ANKRD62: variants seen among roughly 807,000 people sequenced by gnomAD.
ANKRD62 encodes the protein ankyrin repeat domain 62.
Under a neutral mutation model 98.8 loss-of-function variants are expected in ANKRD62, and 61 were observed. The observed-to-expected ratio is 0.62, with a 90% CI of 0.50 to 0.76. ANKRD62 has a LOEUF of 0.76. ANKRD62 is among the 30% of genes least tolerant of loss of function. The probability of loss-of-function intolerance (pLI) is 0.00; values close to 1 mark genes in which losing one functional copy is unlikely to be tolerated. For missense variants in ANKRD62, 933 were observed against 1,082.9 expected (o/e 0.86, Z 1.94); for synonymous variants, 341 against 367.9 (o/e 0.93, Z 0.84).
At chr18:12,096,346 T>G in intron 4 of ANKRD62, 44 bp downstream of exon 4, 1 of 1,140,156 alleles carries the variant, frequency 8.8e-7, no homozygotes, top group Non-Finnish European at 1.2e-6. Flanking sequence ...CTGAGTGGTG[T>G]TCTAGAGTGG....
downstream of ANKRD62, among the ~76,000 whole-genome samples, chr18:12,131,125 A>G (rs569929282): frequency 3.3e-5 from 5 of 152,316 alleles, no homozygotes; most frequent in Middle Eastern, 3.4e-3. Context: ...TTCAAATTGT[A>G]CAGCATTTTG....
chr18:12,166,130 A>G, the ANKRD62 span, among the ~76,000 whole-genome samples: 7 of 152,070 alleles, frequency 4.6e-5, no homozygotes, highest in Admixed American at 2.6e-4. Flanking sequence ...TTTGGATTAA[A>G]TCTGCTTGGT....
At position 12,102,156 on chromosome 18, in the gene ANKRD62, C is replaced by T. The variant is rs139573795; in HGVS notation, c.821-1002C>T. On this transcript the variant is annotated intron_variant, in intron 6 of 13. Coordinates refer to ENST00000587848, the MANE Select transcript of ANKRD62 (RefSeq NM_001277333.2). ...AGTCAGTAACAACTTGTCCAAGGCC[C>T]GAGTAACTATGAAGAGTGAGGGTTG... The T allele has an allele frequency of 2.9e-4, 334 of 1,156,156 alleles. 1 individual carries two copies. In the East Asian group the frequency reaches 7.6e-3, roughly 26 times the overall value. The allele number at this position is 1,156,156 out of a possible 1,614,324, so 71.6% of individuals were successfully genotyped here. A position where few individuals can be genotyped will look rare whatever the true frequency, so the allele number is the denominator to read the frequency against.
the ANKRD62 span, among the ~76,000 whole-genome samples, chr18:12,171,814 A>G: frequency 4.6e-5 from 7 of 152,080 alleles, no homozygotes; most frequent in African/African-American, 1.7e-4. Flanking sequence ...ATAGTCCCTT[A>G]TTTCTTGGAG....
the ANKRD62 span, among the ~76,000 whole-genome samples, chr18:12,154,102 A>G: frequency 6.6e-6 from 1 of 152,262 alleles, no homozygotes; most frequent in African/African-American, 2.4e-5. Context: ...ACATTGACAA[A>G]TGGGGTCTAA....
chr18:12,154,642 C>T, the ANKRD62 span, among the ~76,000 whole-genome samples: 1 of 152,174 alleles, frequency 6.6e-6, no homozygotes, highest in Non-Finnish European at 1.5e-5. Flanking sequence ...AAATATAAAG[C>T]ATTCTACCAT....
rs950060208 is a variant in ANKRD62 at position 12,128,065 on chromosome 18, G to C, written c.*126G>C. 40 of 511,096 alleles carry C rather than the reference G, an allele frequency of 7.8e-5. No homozygotes were observed. The highest frequency in any genetic ancestry group is 1.1e-4 in the Non-Finnish European group (36 of 337,150). 31.7% of individuals were successfully genotyped at this position (511,096 alleles called of 1,614,324 possible). A position where few individuals can be genotyped will look rare whatever the true frequency, so the allele number is the denominator to read the frequency against. ...ATAATACATCCATTTCTCAATCTCT[G>C]CCATGTTTTATAATTATAAATATTT... On this transcript the variant is annotated 3_prime_UTR_variant, in exon 14 of 14. Transcript: ENST00000587848.
the ANKRD62 span, among the ~76,000 whole-genome samples, chr18:12,134,836 C>T: frequency 3.9e-5 from 6 of 152,064 alleles, no homozygotes; most frequent in African/African-American, 7.3e-5. Flanking sequence ...AATAAACATA[C>T]GTGTGCATGT....
At chr18:12,140,163 T>C in the ANKRD62 span, among the ~76,000 whole-genome samples, 1 of 152,270 alleles carries the variant, frequency 6.6e-6, no homozygotes, top group East Asian at 1.9e-4. Flanking sequence ...TGTGCATTCA[T>C]CACGTAGTTC....
the ANKRD62 span, among the ~76,000 whole-genome samples, chr18:12,145,008 T>C: frequency 1.3e-5 from 2 of 151,360 alleles, no homozygotes; most frequent in Non-Finnish European, 2.9e-5. Flanking sequence ...CTGGGCATGC[T>C]GGCCTATGCC....
chr18:12,170,399 T>C, the ANKRD62 span, among the ~76,000 whole-genome samples: 1 of 152,346 alleles, frequency 6.6e-6, no homozygotes, highest in South Asian at 2.1e-4. Flanking sequence ...CCAGTAGTCA[T>C]TCAGAAGCAG....
At chr18:12,120,811 T>G (rs1909767751) in intron 10 of ANKRD62, among the ~76,000 whole-genome samples, 1 of 152,188 alleles carries the variant, frequency 6.6e-6, no homozygotes, top group Admixed American at 6.5e-5. Context: ...AATGGTTTAT[T>G]TAGGATTTAT....
the ANKRD62 span, among the ~76,000 whole-genome samples, chr18:12,181,149 G>A: frequency 1.3e-5 from 2 of 151,244 alleles, no homozygotes; most frequent in Non-Finnish European, 1.5e-5. Context: ...ATTCTATACT[G>A]TGCAATTAAA....
At chr18:12,150,473 G>A in the ANKRD62 span, among the ~76,000 whole-genome samples, 7 of 152,150 alleles carry the variant, frequency 4.6e-5, no homozygotes, top group South Asian at 4.2e-4. Flanking sequence ...TTTTACACAC[G>A]AATACCATCC....
intron 8 of ANKRD62, among the ~76,000 whole-genome samples, chr18:12,109,944 T>C (rs1241424281): frequency 9.1e-6 from 1 of 110,428 alleles, no homozygotes; most frequent in Non-Finnish European, 1.9e-5. Context: ...TAGGTTTCAC[T>C]GTTACCAAAA....
the ANKRD62 span, among the ~76,000 whole-genome samples, chr18:12,155,893 TG>T: frequency 1.3e-5 from 2 of 152,134 alleles, no homozygotes; most frequent in Admixed American, 6.5e-5. Flanking sequence ...AAAAGTCAGT[TG>T]GTGATATGGC....
In ANKRD62 at chr18:12,129,734, C is replaced by A. The variant is rs1344021592; in HGVS notation, c.*1795C>A. ...CCGCACTCCAGCCTGGGCGACAGAG[C>A]AAGACTCTGTCTCAAAAAAAAAAAA... On this transcript the variant is annotated 3_prime_UTR_variant, in exon 14 of 14. Coordinates refer to ENST00000587848, the MANE Select transcript of ANKRD62 (RefSeq NM_001277333.2). 1 of 108,678 alleles carries A rather than the reference C, an allele frequency of 9.2e-6. No individual in the cohort carries two copies. The highest frequency in any genetic ancestry group is 1.7e-5 in the Non-Finnish European group (1 of 58,752). The allele number at this position is 108,678 out of a possible 1,614,324, so 6.7% of individuals were successfully genotyped here. A position where few individuals can be genotyped will look rare whatever the true frequency, so the allele number is the denominator to read the frequency against.
intron 12 of ANKRD62, 72 bp from the exon 13 acceptor site, chr18:12,125,388 T>C (rs1470003911): frequency 4.5e-6 from 6 of 1,331,104 alleles, no homozygotes; most frequent in Non-Finnish European, 9.8e-7. Flanking sequence ...TTATTACTTA[T>C]TTAGTTTCAG....
chr18:12,171,064 A>G, the ANKRD62 span, among the ~76,000 whole-genome samples: 16 of 143,060 alleles, frequency 1.1e-4, no homozygotes, highest in South Asian at 7.0e-4. Flanking sequence ...TGAATACAGC[A>G]CACTGATGGG....
Sources: allele counts gnomAD v4.1 joint callset (sites outside exome capture counted in the v4.1 genomes callset), GRCh38; gene constraint gnomAD v4.1.1; transcripts MANE v1.5; gene names NCBI Gene and HGNC (gene_info 2026-07-23, HGNC 2026-07-21).